Variants in NDUFAF5 observed in about 807,000 individuals in gnomAD.
NDUFAF5 encodes the protein arginine-hydroxylase NDUFAF5, mitochondrial.
In NDUFAF5, 34 loss-of-function variants were observed where a neutral mutation model predicts 48.9. That is an observed-to-expected ratio of 0.70 (90% CI 0.53 to 0.93). The LOEUF (loss-of-function observed/expected upper bound fraction) is 0.93, where lower values mean the gene tolerates loss of function less well. Ranked by LOEUF, NDUFAF5 falls within the 40% of genes least tolerant of loss-of-function variation. The pLI is 0.00. For synonymous variants in NDUFAF5, 153 were observed against 150.6 expected (o/e 1.02, Z -0.12); for missense variants, 428 against 427.5 (o/e 1.00, Z -0.01).
intron 4 of NDUFAF5, 66 bp from the exon 5 acceptor site, chr20:13,794,772 G>C (rs1468794493): frequency 1.0e-5 from 10 of 977,794 alleles, no homozygotes. Context: ...TTAACAAACA[G>C]TGATTGTGTT....
In NDUFAF5 at chr20:13,787,359, G is replaced by A. The variant is rs1981364070; in HGVS notation, c.263+7G>A. 6.2e-7 allele frequency: 1 copy of A among 1,613,464 alleles called. No homozygotes were observed. The highest frequency in any genetic ancestry group is 2.2e-5 in the East Asian group (1 of 44,872). On this transcript the variant is annotated splice_region_variant and intron_variant, in intron 2 of 10. Coordinates refer to ENST00000378106, the MANE Select transcript of NDUFAF5 (RefSeq NM_024120.5). ...GTGTATATGACATACCCAGGTAAGT[G>A]GTGGTGATCATAATACAATACCATC...
chr20:13,800,924 T>A (rs1984019156), intron 6 of NDUFAF5, among the ~76,000 whole-genome samples: 1 of 152,168 alleles, frequency 6.6e-6, no homozygotes, highest in South Asian at 2.1e-4. Flanking sequence ...TCAGGCTTGT[T>A]CACACATCGT....
intron 7 of NDUFAF5, among the ~76,000 whole-genome samples, chr20:13,803,866 A>G (rs142825805): frequency 0.017 from 2,540 of 152,108 alleles, 21 homozygotes; most frequent in Non-Finnish European, 0.024. Flanking sequence ...GCCCACCACA[A>G]TCTCTCCCTC....
intron 8 of NDUFAF5, among the ~76,000 whole-genome samples, chr20:13,815,563 C>T (rs1299116608): frequency 2.0e-5 from 3 of 151,948 alleles, no homozygotes; most frequent in Non-Finnish European, 4.4e-5. Flanking sequence ...TTTAATAAGA[C>T]CATTGAAAAT....
chr20:13,816,284 C>T (rs543115807), intron 8 of NDUFAF5, 179 bp from the exon 9 acceptor site: 5 of 653,112 alleles, frequency 7.7e-6, no homozygotes, highest in Admixed American at 2.3e-5. Context: ...CAAGTAGTTT[C>T]GCTTTAGAGT....
At chr20:13,801,354 A>T in intron 6 of NDUFAF5, 132 bp from the exon 7 acceptor site, 1 of 540,000 alleles carries the variant, frequency 1.9e-6, no homozygotes. Context: ...TTATTTGTTA[A>T]ATTATGTGAT....
rs1384141465 is a variant in NDUFAF5 at position 13,785,234 on chromosome 20, A to C, written c.166A>C (p.Lys56Gln). The C allele has an allele frequency of 6.2e-7, 1 of 1,613,604 alleles. No homozygotes were observed. The highest frequency in any genetic ancestry group is 1.3e-5 in the African/African-American group (1 of 75,040). ...CGACCGGGATTTGAAAAGGAAACAG[A>C]AGAACTGGGCAGCCCGGCAGCCCGA... Reference protein sequence around the residue: ...IFDRDLKRKQKNWAARQPEPT... With the variant: ...IFDRDLKRKQQNWAARQPEPT... Residue 56 changes from lysine to glutamine, a missense_variant, in exon 1 of 11, where the codon AAG (lysine) becomes CAG (glutamine). By Grantham distance (53) the Lys-to-Gln change is moderately conservative. Coordinates refer to ENST00000378106, the MANE Select transcript of NDUFAF5 (RefSeq NM_024120.5).
Position 13,820,168 on chromosome 20 carries a change from T to C in NDUFAF5, c.*2958T>C, listed in dbSNP as rs1986883746. On this transcript the variant is annotated 3_prime_UTR_variant, in exon 11 of 11. Coordinates refer to ENST00000378106, the MANE Select transcript of NDUFAF5 (RefSeq NM_024120.5). ...GCCTGGAGAATTCCAAAGGTAAATA[T>C]GAAAATGTATACCTACAAAAGAATT... is the stretch of plus-strand genomic sequence containing the variant. 6.6e-6 allele frequency: 1 copy of C among 152,198 alleles called. No individual in the cohort carries two copies. Among genetic ancestry groups the C allele is most frequent in the Admixed American group, 6.5e-5 (1 of 15,276 alleles). The allele number at this position is 152,198 out of a possible 1,614,324, so 9.4% of individuals were successfully genotyped here.
In NDUFAF5 at chr20:13,817,829, T is replaced by C. The variant is rs2147635385; in HGVS notation, c.*619T>C. 2.2e-6 allele frequency: 1 copy of C among 453,784 alleles called. No individual in the cohort carries two copies. Among genetic ancestry groups the C allele is most frequent in the African/African-American group, 2.0e-5 (1 of 50,062 alleles). The allele number at this position is 453,784 out of a possible 1,614,324, so 28.1% of individuals were successfully genotyped here. A position where few individuals can be genotyped will look rare whatever the true frequency, so the allele number is the denominator to read the frequency against. ...CAGTCATCAGTTTATTGTTAAGCTT[T>C]CCTTTGTAATTTCAGGGCTTAAGCA... On this transcript the variant is annotated 3_prime_UTR_variant, in exon 11 of 11. Transcript: ENST00000378106.
intron 7 of NDUFAF5, among the ~76,000 whole-genome samples, chr20:13,805,980 CAAAA>C: frequency 6.6e-6 from 1 of 152,000 alleles, no homozygotes; most frequent in East Asian, 1.9e-4. Context: ...AATTCCCATC[CAAAA>C]AAGCTTTTGT....
Position 13,817,867 on chromosome 20 carries a change from T to G in NDUFAF5, c.*657T>G, listed in dbSNP as rs1469447525. The G allele has an allele frequency of 4.4e-6, 2 of 454,134 alleles. No individual in the cohort carries two copies. The highest frequency in any genetic ancestry group is 8.8e-6 in the Non-Finnish European group (2 of 226,798). 28.1% of individuals were successfully genotyped at this position (454,134 alleles called of 1,614,324 possible). On this transcript the variant is annotated 3_prime_UTR_variant, in exon 11 of 11. Transcript: ENST00000378106. ...CAGGGCTTAAGCACTATTATCCTAA[T>G]CCAAGTTCACAGTCCTGTTGTTGTC...
rs1235603194 is a variant in NDUFAF5 at position 13,817,425 on chromosome 20, T to A, written c.*215T>A. The stretch of plus-strand genomic sequence containing the variant: ...GGATACTGCTGAGTGTCTTTGCAGA[T>A]TCAGCCTAAAAGCAAAGAAAATATT... On this transcript the variant is annotated 3_prime_UTR_variant, in exon 11 of 11. Transcript: ENST00000378106. 1.5e-6 allele frequency: 1 copy of A among 671,350 alleles called. No individual in the cohort carries two copies. The highest frequency in any genetic ancestry group is 2.7e-6 in the Non-Finnish European group (1 of 367,276). The allele number at this position is 671,350 out of a possible 1,614,324, so 41.6% of individuals were successfully genotyped here. A position where few individuals can be genotyped will look rare whatever the true frequency, so the allele number is the denominator to read the frequency against.
chr20:13,810,432 T>G (rs1050769013), intron 8 of NDUFAF5, among the ~76,000 whole-genome samples: 7 of 152,126 alleles, frequency 4.6e-5, no homozygotes, highest in African/African-American at 1.7e-4. Context: ...TGGTGAGAGC[T>G]CTTTTGTTAG....
In NDUFAF5 at chr20:13,788,577, C is replaced by CT. The variant is rs751750631; in HGVS notation, c.264-3dup. Reference sequence around the variant, plus strand: ...TATGGACAGAGCATAACCTCTGTGTCTTTTTTTTTAGAAATTTCCCCCTTG... The same window carrying CT: ...TATGGACAGAGCATAACCTCTGTGTCTTTTTTTTTTAGAAATTTCCCCCTTG... On this transcript the variant is annotated splice_polypyrimidine_tract_variant and intron_variant, in intron 2 of 10. Transcript: ENST00000378106. The CT allele has an allele frequency of 3.5e-4, 553 of 1,570,674 alleles. 1 individual carries two copies. Among genetic ancestry groups the CT allele is most frequent in the Middle Eastern group, 5.0e-4 (3 of 5,958 alleles).
chr20:13,797,946 A>G (rs1484054980), intron 5 of NDUFAF5, among the ~76,000 whole-genome samples: 1 of 152,212 alleles, frequency 6.6e-6, no homozygotes, highest in African/African-American at 2.4e-5. Context: ...AAAATGGGAT[A>G]TTATTGGAAA....
At chr20:13,796,279 CA>C (rs1983197563) in intron 5 of NDUFAF5, among the ~76,000 whole-genome samples, 1 of 152,080 alleles carries the variant, frequency 6.6e-6, no homozygotes, top group African/African-American at 2.4e-5. Context: ...ATGTGCTGAA[CA>C]AAGTTAGAAA....
At chr20:13,788,997 T>C (rs1981727107) in intron 3 of NDUFAF5, among the ~76,000 whole-genome samples, 1 of 152,224 alleles carries the variant, frequency 6.6e-6, no homozygotes, top group Non-Finnish European at 1.5e-5. Flanking sequence ...TAGAAAAATA[T>C]TAATTTTATC....
intron 7 of NDUFAF5, 96 bp from the exon 8 acceptor site, chr20:13,808,746 G>T: frequency 1.3e-6 from 1 of 750,448 alleles, no homozygotes; most frequent in South Asian, 1.5e-5. Flanking sequence ...TGCTTAGCAT[G>T]GGAGATTGGT....
chr20:13,796,824 C>G (rs1045671511), intron 5 of NDUFAF5, among the ~76,000 whole-genome samples: 1 of 152,168 alleles, frequency 6.6e-6, no homozygotes, highest in Non-Finnish European at 1.5e-5. Context: ...ACTAAAAATA[C>G]AAAAATTAGC....
Sources: gnomAD v4.1 joint callset for allele counts (sites outside exome capture counted in the v4.1 genomes callset) on GRCh38, gnomAD v4.1.1 for gene constraint, MANE v1.5 for transcripts, NCBI Gene and HGNC (gene_info 2026-07-23, HGNC 2026-07-21) for gene names.